The following HECW1 variants were observed in gnomAD, a reference collection of about 807,000 sequenced individuals.
HECW1 encodes E3 ubiquitin-protein ligase HECW1.
A neutral mutation model predicts 182.3 loss-of-function variants in HECW1; 61 were observed. The observed-to-expected ratio is 0.33, with a 90% CI of 0.27 to 0.41. The LOEUF (loss-of-function observed/expected upper bound fraction) is 0.41. Among genes scored for constraint, HECW1 ranks in the 10% least tolerant of loss-of-function variants. The pLI, the probability that HECW1 is intolerant of heterozygous loss-of-function variation, is 1.00. For synonymous variants in HECW1, 859 were observed against 832.6 expected (o/e 1.03, Z -0.55); for missense variants, 1,739 against 2,108.9 (o/e 0.82, Z 3.44).
At chr7:43,367,697 A>AT (rs1312363355) in intron 6 of HECW1, among the ~76,000 whole-genome samples, 1 of 152,182 alleles carries the variant, frequency 6.6e-6, no homozygotes, top group African/African-American at 2.4e-5. Context: ...TTAAGGGGTT[A>AT]TTTTACAAGA....
intron 5 of HECW1, among the ~76,000 whole-genome samples, chr7:43,321,000 T>C (rs967301746): frequency 6.6e-6 from 1 of 152,220 alleles, no homozygotes; most frequent in African/African-American, 2.4e-5. Context: ...CATAAGCCTC[T>C]GGACTTGGGA....
chr7:43,422,035 T>C (rs1379344990), intron 8 of HECW1, among the ~76,000 whole-genome samples: 1 of 152,160 alleles, frequency 6.6e-6, no homozygotes, highest in Admixed American at 6.5e-5. Flanking sequence ...GGCTCTGGTG[T>C]GTGAGAAGAA....
Position 43,329,795 on chromosome 7 carries a change from A to C in HECW1, c.460+9053A>C, listed in dbSNP as rs116805178. Reference sequence around the variant, plus strand: ...AACTGCTGTGTGAAGTGAGGGTGTGAAGGACTTTGTGTAGGGGGAGTGTAA... The same window carrying C: ...AACTGCTGTGTGAAGTGAGGGTGTGCAGGACTTTGTGTAGGGGGAGTGTAA... On this transcript the variant is annotated intron_variant, in intron 5 of 29. Coordinates refer to ENST00000395891, the MANE Select transcript of HECW1 (RefSeq NM_015052.5). 4.0e-3 allele frequency among the ~76,000 whole-genome samples: 609 copies of C among 152,244 alleles called. 3 individuals are homozygous for C. The highest frequency in any genetic ancestry group is 0.014 in the African/African-American group (583 of 41,562).
At chr7:43,316,697 CA>C (rs1189979881) in intron 4 of HECW1, among the ~76,000 whole-genome samples, 2 of 145,710 alleles carry the variant, frequency 1.4e-5, no homozygotes, top group Non-Finnish European at 3.0e-5. Context: ...CTAGAGCACC[CA>C]TTCCACACTG....
intron 1 of HECW1, chr7:43,113,893 G>C (rs902522867): frequency 1.1e-5 from 3 of 264,944 alleles, no homozygotes; most frequent in Non-Finnish European, 2.2e-5. Context: ...GCACACAGAG[G>C]CTGGGCACCA....
At chr7:43,468,716 C>T (rs980076676) in intron 15 of HECW1, among the ~76,000 whole-genome samples, 1 of 152,128 alleles carries the variant, frequency 6.6e-6, no homozygotes, top group African/African-American at 2.4e-5. Flanking sequence ...GAGACAGGGT[C>T]TCGCTATGTA....
At chr7:43,401,039 A>G (rs191839083) in intron 7 of HECW1, among the ~76,000 whole-genome samples, 1,681 of 152,298 alleles carry the variant, frequency 0.011, 17 homozygotes, top group Non-Finnish European at 0.019. Context: ...ACTCACCTGG[A>G]CAGTCCAGGA....
chr7:43,213,494 G>A (rs1796177419), intron 2 of HECW1, among the ~76,000 whole-genome samples: 1 of 146,026 alleles, frequency 6.8e-6, no homozygotes, highest in African/African-American at 2.6e-5. Flanking sequence ...CGCCCAGGCT[G>A]GAGTGTAGTG....
chr7:43,308,246 A>ATATT (rs57632050), intron 3 of HECW1, among the ~76,000 whole-genome samples: 27,910 of 72,048 alleles, frequency 0.39, 7,570 homozygotes, highest in African/African-American at 0.74. Flanking sequence ...AATATATAAT[A>ATATT]TATATATATT....
intron 6 of HECW1, among the ~76,000 whole-genome samples, chr7:43,367,230 A>C (rs913331830): frequency 6.6e-6 from 1 of 152,174 alleles, no homozygotes; most frequent in Non-Finnish European, 1.5e-5. Flanking sequence ...CTTGGATTTT[A>C]TAATAGCCTT....
chr7:43,113,734 C>T (rs1784827727), intron 1 of HECW1: 2 of 219,594 alleles, frequency 9.1e-6, no homozygotes, highest in South Asian at 1.8e-4. Flanking sequence ...CCCCCACGTT[C>T]CCGGGCGGTG....
Position 43,542,014 on chromosome 7 carries a change from G to GGTTT in HECW1, c.4248+18_4248+21dup. On this transcript the variant is annotated intron_variant, in intron 26 of 29. Coordinates refer to ENST00000395891, the MANE Select transcript of HECW1 (RefSeq NM_015052.5). Reference sequence around the variant, plus strand: ...TTTTGGACAGGTTTGTGTGACATGGGGTTTGGAAAAGGGATTTTGTTTTTT... The same window carrying GGTTT: ...TTTTGGACAGGTTTGTGTGACATGGGGTTTGTTTGGAAAAGGGATTTTGTTTTTT... 6.8e-7 allele frequency: 1 copy of GGTTT among 1,473,100 alleles called. No individual in the cohort carries two copies. Among genetic ancestry groups the GGTTT allele is most frequent in the Non-Finnish European group, 9.0e-7 (1 of 1,113,010 alleles). The allele number at this position is 1,473,100 out of a possible 1,614,324, so 91.3% of individuals were successfully genotyped here.
At chr7:43,372,527 G>C (rs1008434118) in intron 6 of HECW1, among the ~76,000 whole-genome samples, 17 of 151,820 alleles carry the variant, frequency 1.1e-4, no homozygotes, top group African/African-American at 4.1e-4. Flanking sequence ...GCTCCCCACT[G>C]TTTTCCTTTT....
At position 43,262,567 on chromosome 7, in the gene HECW1, T is replaced by C. The variant is rs191693699; in HGVS notation, c.27+18635T>C. On this transcript the variant is annotated intron_variant, in intron 3 of 29. Transcript: ENST00000395891. ...GTTATGATGCCTTCAAATGAATCTA[T>C]AATTACTTACTTAGCAGTTACCTCA... 1.1e-4 allele frequency among the ~76,000 whole-genome samples: 17 copies of C among 152,318 alleles called. No individual in the cohort carries two copies. The Middle Eastern group carries it at 0.014, about 122-fold the overall frequency.
At chr7:43,223,583 C>T (rs1329126125) in intron 2 of HECW1, among the ~76,000 whole-genome samples, 4 of 151,950 alleles carry the variant, frequency 2.6e-5, no homozygotes, top group African/African-American at 9.7e-5. Context: ...TGCACCATTC[C>T]ACTCCAGCTT....
At chr7:43,357,279 T>A (rs1014776237) in intron 5 of HECW1, among the ~76,000 whole-genome samples, 5 of 152,220 alleles carry the variant, frequency 3.3e-5, no homozygotes, top group Admixed American at 2.6e-4. Flanking sequence ...CACTCCCATG[T>A]TGATTGCAGT....
chr7:43,166,264 G>A (rs1381231000), intron 2 of HECW1, among the ~76,000 whole-genome samples: 1 of 152,142 alleles, frequency 6.6e-6, no homozygotes, highest in East Asian at 1.9e-4. Flanking sequence ...TGTATTTTTA[G>A]TAGAGATGGG....
At chr7:43,185,792 A>C (rs150116237) in intron 2 of HECW1, among the ~76,000 whole-genome samples, 1 of 152,310 alleles carries the variant, frequency 6.6e-6, no homozygotes, top group African/African-American at 2.4e-5. Context: ...GGATAGAATG[A>C]GTTTTGAGTA....
rs56200413 is a variant in HECW1, at chr7:43,113,949, G to C, written c.-266-208G>C. The C allele has an allele frequency of 1.9e-4, 52 of 278,580 alleles. No individual in the cohort carries two copies. The South Asian group carries it at 3.3e-3, about 18-fold the overall frequency. 17.3% of individuals were successfully genotyped at this position (278,580 alleles called of 1,614,324 possible). The stretch of plus-strand genomic sequence containing the variant: ...TTCAGCGCGTAGGGGGAGCTGGCAG[G>C]GACACAGGCTGCAGAGATGCCCGGC... On this transcript the variant is annotated intron_variant, in intron 1 of 29. Coordinates refer to ENST00000395891, the MANE Select transcript of HECW1 (RefSeq NM_015052.5).
Sources: allele counts gnomAD v4.1 joint callset (sites outside exome capture counted in the v4.1 genomes callset), GRCh38; gene constraint gnomAD v4.1.1; transcripts MANE v1.5; gene names NCBI Gene and HGNC (gene_info 2026-07-23, HGNC 2026-07-21).